The following DHX33 variants were observed in gnomAD, a reference collection of about 807,000 sequenced individuals.
DHX33 encodes the protein DEAH-box helicase 33.
Under a neutral mutation model 72.5 loss-of-function variants are expected in DHX33, and 42 were observed. That is an observed-to-expected ratio of 0.58 (90% CI 0.45 to 0.75). DHX33 has a LOEUF of 0.75. Among genes scored for constraint, DHX33 ranks in the 30% least tolerant of loss-of-function variants. The pLI is 0.00. For missense variants in DHX33, 842 were observed against 917.5 expected, an observed-to-expected ratio of 0.92 and a Z score of 1.06; for synonymous variants, 358 against 366.1, an observed-to-expected ratio of 0.98 and a Z score of 0.25.
intron 4 of DHX33, among the ~76,000 whole-genome samples, chr17:5,460,408 G>C (rs1904534352): frequency 6.6e-6 from 1 of 152,048 alleles, no homozygotes; most frequent in Admixed American, 6.6e-5. Flanking sequence ...AAAGCTGCTG[G>C]TCAGAACTGA....
At chr17:5,453,691 G>A (rs780483257) in intron 7 of DHX33, 23 bp from the exon 8 acceptor site, 2 of 1,613,168 alleles carry the variant, frequency 1.2e-6, no homozygotes, top group South Asian at 2.2e-5. Context: ...TGAGACCAGG[G>A]TCATGACCTG....
chr17:5,452,071 G>A (rs1375836242), intron 8 of DHX33, among the ~76,000 whole-genome samples: 4 of 151,594 alleles, frequency 2.6e-5, no homozygotes, highest in African/African-American at 7.3e-5. Context: ...GGAAGGAGGC[G>A]AGGGCAAGTG....
In DHX33 at chr17:5,442,245, C is replaced by A. The variant is rs1224426042; in HGVS notation, c.*1960G>T. On this transcript the variant is annotated 3_prime_UTR_variant, in exon 12 of 12. Transcript: ENST00000225296. ...GTGTGAGCCACTGCGCCCGGCCACC[C>A]CCCAATTTTTTTTTTTTTTTTTTTT... The A allele has an allele frequency of 2.0e-5, 3 of 147,776 alleles. No homozygotes were observed. The highest frequency in any genetic ancestry group is 2.0e-4 in the Admixed American group (3 of 14,944). 9.2% of individuals were successfully genotyped at this position (147,776 alleles called of 1,614,324 possible).
At chr17:5,452,728 T>C (rs759474869) in intron 8 of DHX33, among the ~76,000 whole-genome samples, 17 of 151,926 alleles carry the variant, frequency 1.1e-4, no homozygotes, top group Non-Finnish European at 2.4e-4. Flanking sequence ...CAAAAATAAA[T>C]AAATAAATAC....
intron 4 of DHX33, among the ~76,000 whole-genome samples, chr17:5,460,139 C>T (rs767040199): frequency 6.6e-5 from 10 of 151,980 alleles, no homozygotes; most frequent in East Asian, 3.9e-4. Flanking sequence ...CTCAGTCTCC[C>T]GAGTAGCTGG....
At chr17:5,450,997 A>G in intron 8 of DHX33, 63 bp from the exon 9 acceptor site, 1 of 1,583,770 alleles carries the variant, frequency 6.3e-7, no homozygotes, top group Non-Finnish European at 8.6e-7. Context: ...CAGCTAGTTC[A>G]GTATTTCTGG....
rs763421628 is a variant in DHX33 at position 5,468,869 on chromosome 17, G to A, written c.-10C>T. On this transcript the variant is annotated 5_prime_UTR_variant, in exon 1 of 12. Transcript: ENST00000225296. The stretch of plus-strand genomic sequence containing the variant: ...CCGCCTCCTCCGGCATGTCGGGAGG[G>A]CACCGCGGCGGGAGGCGCAAGCGCC... 27 of 1,550,530 alleles carry A rather than the reference G, an allele frequency of 1.7e-5. No homozygotes were observed. The highest frequency in any genetic ancestry group is 1.6e-4 in the Admixed American group (8 of 50,972).
intron 8 of DHX33, among the ~76,000 whole-genome samples, chr17:5,453,152 A>G (rs1917024275): frequency 6.6e-6 from 1 of 152,252 alleles, no homozygotes; most frequent in African/African-American, 2.4e-5. Context: ...TTTCTGTAGT[A>G]TCCCAAGGAC....
rs763643314 is a variant in DHX33 at position 5,468,657 on chromosome 17, T to G, written c.203A>C (p.Glu68Ala). The G allele has an allele frequency of 8.7e-6, 14 of 1,612,504 alleles. No homozygotes were observed. Among genetic ancestry groups the G allele is most frequent in the Non-Finnish European group, 1.2e-5 (14 of 1,179,834 alleles). Residue 68 changes from glutamate (E) to alanine (A), a missense_variant, in exon 1 of 12, where the codon GAG (glutamate) becomes GCG (alanine). Coordinates refer to ENST00000225296, the MANE Select transcript of DHX33 (RefSeq NM_020162.4). ...GATGGGCAGACTCCGGCGCTGCAGC[T>G]CCACAGCTTCAGGGTAGGGACTGGC... ...PSASPYPEAV[E>A]LQRRSLPIFQ...
At chr17:5,465,347 A>C (rs771012944) in intron 1 of DHX33, among the ~76,000 whole-genome samples, 24 of 152,272 alleles carry the variant, frequency 1.6e-4, no homozygotes, top group South Asian at 2.1e-4. Flanking sequence ...ATTATTCTGC[A>C]ATCTTCCTGC....
At chr17:5,458,626 T>C (rs1041451760) in intron 4 of DHX33, among the ~76,000 whole-genome samples, 5 of 151,574 alleles carry the variant, frequency 3.3e-5, no homozygotes, top group African/African-American at 9.7e-5. Flanking sequence ...TGTCAAGAGG[T>C]TGGAGATAAA....
rs1904739600 is a variant in DHX33 at position 5,463,599 on chromosome 17, G to C, written c.380C>G (p.Pro127Arg). 1.2e-6 allele frequency: 2 copies of C among 1,614,020 alleles called. No individual in the cohort carries two copies. Among genetic ancestry groups the C allele is most frequent in the Non-Finnish European group, 8.5e-7 (1 of 1,179,992 alleles). Residue 127 changes from proline to arginine, a missense_variant, in exon 2 of 12, where the codon CCT becomes CGT. Pro to Arg is a moderately radical substitution (Grantham distance 103, BLOSUM62 -2). Transcript: ENST00000225296. ...SRQGIIAVTQ[P>R]RRVAAISLAT... is the part of the protein sequence containing the mutation. The stretch of plus-strand genomic sequence containing the variant: ...AAGAGAGATGGCAGCTACTCGACGA[G>C]GCTGGGTCACAGCAATGATGCCCTG...
intron 10 of DHX33, among the ~76,000 whole-genome samples, chr17:5,449,733 G>A (rs975899352): frequency 6.6e-6 from 1 of 152,178 alleles, no homozygotes; most frequent in Non-Finnish European, 1.5e-5. Flanking sequence ...CACTGTGCCT[G>A]GCCCTGGGCA....
chr17:5,460,392 T>G (rs1904533929), intron 4 of DHX33, among the ~76,000 whole-genome samples: 1 of 152,148 alleles, frequency 6.6e-6, no homozygotes, highest in African/African-American at 2.4e-5. Flanking sequence ...TCTGGCTCAG[T>G]GTAAGAAAGC....
rs926563855 is a variant in DHX33 at position 5,468,798 on chromosome 17, C to T, written c.62G>A (p.Ser21Asn). 6.3e-7 allele frequency: 1 copy of T among 1,598,874 alleles called. No individual in the cohort carries two copies. Among genetic ancestry groups the T allele is most frequent in the Admixed American group, 1.7e-5 (1 of 58,032 alleles). ...CCCGGGAGGGAAGGACCCAGCGCGG[C>T]TCGGAGGTCCAGAGCCTGGCCGGAA... Reference protein sequence around the residue: ...KRFRPGSGPPSRAGSFPPGRQ... With the variant: ...KRFRPGSGPPNRAGSFPPGRQ... Residue 21 changes from serine (S) to asparagine (N), a missense_variant, in exon 1 of 12, where the codon AGC (serine) becomes AAC (asparagine). By Grantham distance (46) the Ser-to-Asn change is conservative. Coordinates refer to ENST00000225296, the MANE Select transcript of DHX33 (RefSeq NM_020162.4).
At chr17:5,447,994 C>T (rs1916727892) in intron 11 of DHX33, among the ~76,000 whole-genome samples, 2 of 152,232 alleles carry the variant, frequency 1.3e-5, no homozygotes, top group African/African-American at 4.8e-5. Flanking sequence ...GTCTGGCCAA[C>T]GTGGTGAAAC....
rs1413593083 is a variant in DHX33, at chr17:5,443,057, T to TA, written c.*1147dup. The TA allele has an allele frequency of 6.6e-6, 1 of 152,156 alleles. No homozygotes were observed. The highest frequency in any genetic ancestry group is 1.5e-5 in the Non-Finnish European group (1 of 68,040). 9.4% of individuals were successfully genotyped at this position (152,156 alleles called of 1,614,324 possible). On this transcript the variant is annotated 3_prime_UTR_variant, in exon 12 of 12. Coordinates refer to ENST00000225296, the MANE Select transcript of DHX33 (RefSeq NM_020162.4). ...ATTAATAAGATGCAAGAATAAGTGT[T>TA]ACAGCTCTAGCTCTTTTAGAATTTG...
intron 11 of DHX33, among the ~76,000 whole-genome samples, chr17:5,447,247 G>A (rs1442874818): frequency 2.0e-5 from 3 of 152,256 alleles, no homozygotes; most frequent in Non-Finnish European, 4.4e-5. Context: ...GCCGGGCACA[G>A]TGGCTCACAC....
intron 1 of DHX33, among the ~76,000 whole-genome samples, chr17:5,466,427 C>G (rs1904878275): frequency 6.6e-6 from 1 of 152,154 alleles, no homozygotes; most frequent in Non-Finnish European, 1.5e-5. Context: ...TAAAGTTTCT[C>G]TCAGCTTCCC....
Sources: allele counts gnomAD v4.1 joint callset (sites outside exome capture counted in the v4.1 genomes callset), GRCh38; gene constraint gnomAD v4.1.1; transcripts MANE v1.5; gene names NCBI Gene and HGNC (gene_info 2026-07-23, HGNC 2026-07-21).